The following TAFA5 variants were observed in gnomAD, a reference collection of about 807,000 sequenced individuals.
TAFA5 encodes chemokine-like protein TAFA-5.
In TAFA5, 6 loss-of-function variants were observed where a neutral mutation model predicts 15.3. The observed-to-expected ratio is 0.39, with a 90% CI of 0.21 to 0.77. The LOEUF is 0.77. Among genes scored for constraint, TAFA5 ranks in the 30% least tolerant of loss-of-function variants. TAFA5 has a pLI of 0.41. For missense variants in TAFA5, 161 were observed against 193.1 expected (o/e 0.83, Z 0.98); for synonymous variants, 103 against 80.7 (o/e 1.28, Z -1.48).
chr22:48,695,845 C>A (rs1419242274), intron 2 of TAFA5, among the ~76,000 whole-genome samples: 1 of 152,190 alleles, frequency 6.6e-6, no homozygotes. Context: ...CGAGGGGAGT[C>A]AGCGTGGCTG....
chr22:48,542,443 TG>T (rs1922452912), intron 1 of TAFA5, among the ~76,000 whole-genome samples: 1 of 118,298 alleles, frequency 8.5e-6, no homozygotes, highest in South Asian at 3.1e-4. Flanking sequence ...GGTGTGTGTG[TG>T]GTGTATGTGC....
intron 3 of TAFA5, among the ~76,000 whole-genome samples, chr22:48,723,408 C>T (rs1475041970): frequency 2.6e-5 from 4 of 152,298 alleles, no homozygotes; most frequent in South Asian, 2.1e-4. Context: ...ACCTCTACCC[C>T]GTCGTGTTCA....
intron 3 of TAFA5, among the ~76,000 whole-genome samples, chr22:48,734,053 C>T (rs1331053036): frequency 6.6e-6 from 1 of 152,126 alleles, no homozygotes; most frequent in Admixed American, 6.5e-5. Flanking sequence ...AGGGAGCTAC[C>T]GTACACAAAA....
intron 1 of TAFA5, among the ~76,000 whole-genome samples, chr22:48,632,533 G>A (rs1045472584): frequency 1.3e-5 from 2 of 150,986 alleles, no homozygotes; most frequent in Non-Finnish European, 2.9e-5. Context: ...CTCGGTGCCT[G>A]CCACCCTTGC....
At chr22:48,728,998 C>T (rs1263262927) in intron 3 of TAFA5, among the ~76,000 whole-genome samples, 1 of 151,932 alleles carries the variant, frequency 6.6e-6, no homozygotes. Context: ...CAAGTGTATG[C>T]ATAGCTAGTG....
chr22:48,724,770 T>C (rs1214021589), intron 3 of TAFA5, among the ~76,000 whole-genome samples: 7 of 152,148 alleles, frequency 4.6e-5, no homozygotes, highest in Non-Finnish European at 1.0e-4. Flanking sequence ...CCGTAGGACT[T>C]AGAAACTAGT....
intron 2 of TAFA5, among the ~76,000 whole-genome samples, chr22:48,660,848 C>G (rs958713189): frequency 2.0e-5 from 3 of 152,168 alleles, no homozygotes; most frequent in African/African-American, 7.2e-5. Flanking sequence ...GGAGCAGACA[C>G]TCTCAGAGCT....
intron 2 of TAFA5, among the ~76,000 whole-genome samples, chr22:48,698,554 G>A (rs1928801117): frequency 6.6e-6 from 1 of 151,330 alleles, no homozygotes; most frequent in Non-Finnish European, 1.5e-5. Flanking sequence ...TGATGGGAGG[G>A]ATGCCAGTGC....
intron 1 of TAFA5, among the ~76,000 whole-genome samples, chr22:48,534,673 T>G (rs1922089824): frequency 6.6e-6 from 1 of 151,994 alleles, no homozygotes; most frequent in Admixed American, 6.5e-5. Flanking sequence ...TGCGGGGGTG[T>G]GGGGAGGTTG....
intron 1 of TAFA5, among the ~76,000 whole-genome samples, chr22:48,518,840 CATGTGGAAAAGGAGAACGG>C (rs1921507650): frequency 6.6e-6 from 1 of 152,218 alleles, no homozygotes; most frequent in Admixed American, 6.5e-5. Context: ...ACTTTACACC[CATGTGGAAAAGGAGAACGG>C]TACTTTTCAC....
chr22:48,634,376 C>T (rs1926365344), intron 1 of TAFA5, among the ~76,000 whole-genome samples: 1 of 152,142 alleles, frequency 6.6e-6, no homozygotes, highest in Non-Finnish European at 1.5e-5. Context: ...CATTAACTCA[C>T]TTATTCAGTC....
At chr22:48,563,696 G>A (rs182241282) in intron 1 of TAFA5, among the ~76,000 whole-genome samples, 28 of 152,312 alleles carry the variant, frequency 1.8e-4, no homozygotes, top group Non-Finnish European at 1.3e-4. Context: ...CAATGGTCAC[G>A]GTGCCTGTTC....
chr22:48,656,833 C>T (rs1484710625), intron 2 of TAFA5, among the ~76,000 whole-genome samples: 3 of 137,492 alleles, frequency 2.2e-5, no homozygotes, highest in Admixed American at 1.6e-4. Flanking sequence ...GGTGTGATCT[C>T]AGCTCTCTGC....
chr22:48,717,583 G>A (rs1929440235), intron 3 of TAFA5, among the ~76,000 whole-genome samples: 1 of 152,248 alleles, frequency 6.6e-6, no homozygotes, highest in Admixed American at 6.5e-5. Flanking sequence ...GCTCCAGCGT[G>A]GGAACGTTGG....
intron 1 of TAFA5, chr22:48,544,832 C>T (rs9615919): frequency 0.58 from 275,359 of 471,064 alleles, 85,743 homozygotes; most frequent in Middle Eastern, 0.73. Context: ...TGGGGTCCCA[C>T]GCTGCCTCTG....
intron 2 of TAFA5, among the ~76,000 whole-genome samples, chr22:48,653,466 G>A (rs1193569362): frequency 6.6e-6 from 1 of 152,232 alleles, no homozygotes; most frequent in Non-Finnish European, 1.5e-5. Flanking sequence ...CCTGGCCAGG[G>A]CCACTGTGGT....
chr22:48,564,317 G>A (rs907912056), intron 1 of TAFA5, among the ~76,000 whole-genome samples: 4 of 152,272 alleles, frequency 2.6e-5, no homozygotes, highest in Non-Finnish European at 5.9e-5. Context: ...AGCTACCTAA[G>A]GGGGCTTCAG....
intron 1 of TAFA5, among the ~76,000 whole-genome samples, chr22:48,643,512 G>A (rs77642126): frequency 0.068 from 10,286 of 152,300 alleles, 1,129 homozygotes; most frequent in African/African-American, 0.23. Context: ...TGCCCAGTGC[G>A]TGGCACCTGT....
chr22:48,574,679 G>A (rs1387624959), intron 1 of TAFA5, among the ~76,000 whole-genome samples: 3 of 152,142 alleles, frequency 2.0e-5, no homozygotes, highest in Non-Finnish European at 2.9e-5. Flanking sequence ...CTTAGGCCCC[G>A]ATTCCTGCCC....
Sources: gnomAD v4.1 joint callset for allele counts (sites outside exome capture counted in the v4.1 genomes callset) on GRCh38, gnomAD v4.1.1 for gene constraint, MANE v1.5 for transcripts, NCBI Gene and HGNC (gene_info 2026-07-23, HGNC 2026-07-21) for gene names.